The following TNFRSF11B variants were observed in gnomAD, a reference collection of about 807,000 sequenced individuals.
The protein encoded by TNFRSF11B is tumor necrosis factor receptor superfamily member 11B.
TNFRSF11B carries 16 observed loss-of-function variants against 43.4 expected under a neutral mutation model. The observed-to-expected ratio is 0.37, with a 90% CI of 0.25 to 0.56. The LOEUF (loss-of-function observed/expected upper bound fraction) is 0.56. Ranked by LOEUF, TNFRSF11B falls within the 20% of genes least tolerant of loss-of-function variation. The pLI is 0.80. For missense variants in TNFRSF11B, 444 were observed against 490.1 expected, an observed-to-expected ratio of 0.91 and a Z score of 0.89; for synonymous variants, 185 against 181.8, an observed-to-expected ratio of 1.02 and a Z score of -0.14.
intron 3 of TNFRSF11B, among the ~76,000 whole-genome samples, chr8:118,927,013 T>C (rs1812254726): frequency 6.6e-6 from 1 of 152,184 alleles, no homozygotes; most frequent in Non-Finnish European, 1.5e-5. Flanking sequence ...AAAATTCTTA[T>C]AATGAATACA....
At chr8:118,949,426 A>C (rs1812609469) in intron 1 of TNFRSF11B, among the ~76,000 whole-genome samples, 1 of 152,136 alleles carries the variant, frequency 6.6e-6, no homozygotes, top group South Asian at 2.1e-4. Flanking sequence ...TCATGCTAGG[A>C]GCTAGTGTTG....
At chr8:118,929,172 C>T (rs562401741) in intron 2 of TNFRSF11B, 15 of 531,582 alleles carry the variant, frequency 2.8e-5, no homozygotes, top group African/African-American at 9.5e-5. Flanking sequence ...ACCTACAAAA[C>T]GCTCATGAAA....
intron 1 of TNFRSF11B, among the ~76,000 whole-genome samples, chr8:118,946,755 C>T (rs892560403): frequency 1.8e-4 from 28 of 152,154 alleles, no homozygotes; most frequent in Admixed American, 3.9e-4. Context: ...CTTCTCTAGG[C>T]TGTTGAGACA....
chr8:118,945,145 A>G (rs766743035), intron 1 of TNFRSF11B, among the ~76,000 whole-genome samples: 5 of 152,178 alleles, frequency 3.3e-5, no homozygotes, highest in Non-Finnish European at 7.4e-5. Flanking sequence ...AATTTCTTAT[A>G]CATGAACCAA....
At chr8:118,935,964 C>A (rs1812401117) in intron 1 of TNFRSF11B, among the ~76,000 whole-genome samples, 1 of 152,118 alleles carries the variant, frequency 6.6e-6, no homozygotes. Context: ...GGACTCTTCT[C>A]CCTTGCCAAA....
At chr8:118,939,503 G>A (rs1044718360) in intron 1 of TNFRSF11B, among the ~76,000 whole-genome samples, 3 of 152,164 alleles carry the variant, frequency 2.0e-5, no homozygotes, top group African/African-American at 7.2e-5. Context: ...GAGAATGAGA[G>A]GAAAGAATAG....
intron 2 of TNFRSF11B, chr8:118,930,716 A>T (rs1335586968): frequency 2.2e-6 from 1 of 447,362 alleles, no homozygotes; most frequent in Non-Finnish European, 4.5e-6. Flanking sequence ...CGGGCCTAAG[A>T]ATCTTGTTCA....
Position 118,924,296 on chromosome 8 carries a change from C to T in TNFRSF11B, c.*78G>A. On this transcript the variant is annotated 3_prime_UTR_variant, in exon 5 of 5. Transcript: ENST00000297350. ...TAATGAGAAAGATATCACTGAAAGC[C>T]TCAAGTGCCTGAGAAACAGTTTACT... The T allele has an allele frequency of 6.5e-7, 1 of 1,546,720 alleles. No individual in the cohort carries two copies.
intron 2 of TNFRSF11B, among the ~76,000 whole-genome samples, chr8:118,932,199 T>G (rs1586955479): frequency 6.6e-6 from 1 of 152,210 alleles, no homozygotes; most frequent in African/African-American, 2.4e-5. Flanking sequence ...TTCGCAAATG[T>G]GGCAGAAAAA....
At chr8:118,933,436 G>A in intron 1 of TNFRSF11B, 136 bp from the exon 2 acceptor site, 2 of 1,386,810 alleles carry the variant, frequency 1.4e-6, no homozygotes, top group Non-Finnish European at 2.0e-6. Context: ...AAGCTTGGAA[G>A]CCATAATTTT....
Position 118,924,450 on chromosome 8 carries a change from A to G in TNFRSF11B, c.1130T>C (p.Met377Thr). 2 of 1,614,106 alleles carry G rather than the reference A, an allele frequency of 1.2e-6. No homozygotes were observed. The highest frequency in any genetic ancestry group is 1.7e-6 in the Non-Finnish European group (2 of 1,179,970). The change falls in exon 5 of 5, where the codon ATG becomes ACG. Residue 377 changes from methionine (M) to threonine (T), a missense_variant. By Grantham distance (81) the Met-to-Thr change is moderately conservative. Transcript: ENST00000297350. ...AAATAACTTCTGATACAATTTGTAC[A>G]TTGTGAAGCTGTGAAGGAACCTGAT... Reference protein sequence around the residue: ...KTIRFLHSFTMYKLYQKLFLE... With the variant: ...KTIRFLHSFTTYKLYQKLFLE...
At chr8:118,928,340 A>G (rs1812275635) in intron 3 of TNFRSF11B, among the ~76,000 whole-genome samples, 1 of 152,154 alleles carries the variant, frequency 6.6e-6, no homozygotes, top group Non-Finnish European at 1.5e-5. Flanking sequence ...CATCATGTTT[A>G]TATCACTTTG....
intron 4 of TNFRSF11B, among the ~76,000 whole-genome samples, chr8:118,926,243 T>TTTCTA (rs1357538153): frequency 6.6e-6 from 1 of 152,172 alleles, no homozygotes; most frequent in Non-Finnish European, 1.5e-5. Context: ...TTCAAATGCA[T>TTTCTA]TTCTCTTCTC....
At chr8:118,936,483 C>T (rs1812407796) in intron 1 of TNFRSF11B, among the ~76,000 whole-genome samples, 1 of 152,142 alleles carries the variant, frequency 6.6e-6, no homozygotes, top group South Asian at 2.1e-4. Context: ...AGAGGATGGG[C>T]AAGATTAATA....
Position 118,931,518 on chromosome 8 carries a change from C to T in TNFRSF11B, c.400+1413G>A, listed in dbSNP as rs555922300. On this transcript the variant is annotated intron_variant, in intron 2 of 4. Transcript: ENST00000297350. ...TTACTGAATGAATTACATGGATTTG[C>T]TTTTATCTGATGGGATTCCACACCC... Among the ~76,000 whole-genome samples, 4 of 152,216 alleles carry T rather than the reference C, an allele frequency of 2.6e-5. No homozygotes were observed. In the South Asian group the frequency reaches 8.3e-4, roughly 32 times the overall value.
At position 118,951,775 on chromosome 8, in the gene TNFRSF11B, C is replaced by G. The variant is rs1393939867; in HGVS notation, c.30+17G>C. Reference sequence around the variant, plus strand: ...TCCCCAGGCGCCGGGCACCCGTCGGCTGGCCCAGGGACTTACCACGAGCGC... The same window carrying G: ...TCCCCAGGCGCCGGGCACCCGTCGGGTGGCCCAGGGACTTACCACGAGCGC... On this transcript the variant is annotated intron_variant, in intron 1 of 4. Coordinates refer to ENST00000297350, the MANE Select transcript of TNFRSF11B (RefSeq NM_002546.4). 1 of 1,585,386 alleles carries G rather than the reference C, an allele frequency of 6.3e-7. No individual in the cohort carries two copies. Among genetic ancestry groups the G allele is most frequent in the South Asian group, 1.2e-5 (1 of 86,682 alleles).
chr8:118,950,824 C>A (rs11573812), intron 1 of TNFRSF11B, among the ~76,000 whole-genome samples: 3,826 of 152,222 alleles, frequency 0.025, 157 homozygotes, highest in African/African-American at 0.088. Context: ...AAGTAGAAGA[C>A]TACCTAGCCT....
At chr8:118,938,346 AAAC>A (rs1262908089) in intron 1 of TNFRSF11B, among the ~76,000 whole-genome samples, 1 of 152,160 alleles carries the variant, frequency 6.6e-6, no homozygotes, top group African/African-American at 2.4e-5. Context: ...GTGGAAGAAT[AAAC>A]AATATATATA....
chr8:118,936,242 T>G (rs1267187854), intron 1 of TNFRSF11B, among the ~76,000 whole-genome samples: 1 of 152,196 alleles, frequency 6.6e-6, no homozygotes, highest in Non-Finnish European at 1.5e-5. Context: ...TTAATGAAGG[T>G]AATTTCTCCA....
Sources: gnomAD v4.1 joint callset for allele counts (sites outside exome capture counted in the v4.1 genomes callset) on GRCh38, gnomAD v4.1.1 for gene constraint, MANE v1.5 for transcripts, NCBI Gene and HGNC (gene_info 2026-07-23, HGNC 2026-07-21) for gene names.